Variants in CCDC7 observed in about 807,000 individuals in gnomAD.
The protein encoded by CCDC7 is coiled-coil domain-containing protein 7.
CCDC7 carries 183 observed loss-of-function variants against 196.9 expected under a neutral mutation model. The ratio of observed to expected loss-of-function variants is 0.93; its 90% CI spans 0.82 to 1.05. The LOEUF is 1.05. Among genes scored for constraint, CCDC7 ranks in the 50% least tolerant of loss-of-function variants. The pLI is 0.00. For missense variants in CCDC7, 1,540 were observed against 1,482.2 expected, an observed-to-expected ratio of 1.04 and a Z score of -0.64; for synonymous variants, 525 against 484.6, an observed-to-expected ratio of 1.08 and a Z score of -1.10.
intron 7 of CCDC7, among the ~76,000 whole-genome samples, chr10:32,473,226 G>A (rs554865102): frequency 6.6e-6 from 1 of 152,282 alleles, no homozygotes; most frequent in South Asian, 2.1e-4. Flanking sequence ...GGAGCAATCT[G>A]TTCAACCTAA....
intron 29 of CCDC7, among the ~76,000 whole-genome samples, chr10:32,798,427 G>A (rs888185295): frequency 6.6e-6 from 1 of 152,218 alleles, no homozygotes. Flanking sequence ...GACAGGCGTG[G>A]CTGAGGAAAG....
chr10:32,679,721 G>T (rs924589500), intron 21 of CCDC7, among the ~76,000 whole-genome samples: 1 of 152,134 alleles, frequency 6.6e-6, no homozygotes, highest in African/African-American at 2.4e-5. Flanking sequence ...AGTCCTATTT[G>T]GGGGGTTGCA....
intron 11 of CCDC7, among the ~76,000 whole-genome samples, chr10:32,542,633 C>CAAAAAAAAA (rs11375465): frequency 1.1e-5 from 1 of 87,946 alleles, no homozygotes; most frequent in Non-Finnish European, 2.0e-5. Flanking sequence ...ACTCCCATCT[C>CAAAAAAAAA]AAAAAAAAAA....
chr10:32,784,718 C>G (rs1406620403), intron 29 of CCDC7, among the ~76,000 whole-genome samples: 1 of 151,940 alleles, frequency 6.6e-6, no homozygotes, highest in African/African-American at 2.4e-5. Flanking sequence ...ACTACAGACA[C>G]GTGCTGGGCG....
chr10:32,800,727 C>A (rs1314776913), intron 29 of CCDC7, among the ~76,000 whole-genome samples: 2 of 152,098 alleles, frequency 1.3e-5, no homozygotes, highest in Non-Finnish European at 2.9e-5. Flanking sequence ...CAAGGGGATC[C>A]AGCCTTTCCT....
chr10:32,798,637 C>T (rs1385435023), intron 29 of CCDC7, among the ~76,000 whole-genome samples: 1 of 152,216 alleles, frequency 6.6e-6, no homozygotes, highest in African/African-American at 2.4e-5. Flanking sequence ...CTTCCAAGAC[C>T]CTGACCATCC....
At chr10:32,881,881 A>G (rs534622093), downstream of CCDC7, among the ~76,000 whole-genome samples, 48 of 152,258 alleles carry the variant, frequency 3.2e-4, no homozygotes, top group African/African-American at 1.0e-3. Flanking sequence ...AGTTAAGTCT[A>G]TCAGTTCAGA....
chr10:32,701,667 G>C (rs1187412104), intron 24 of CCDC7, among the ~76,000 whole-genome samples: 1 of 152,074 alleles, frequency 6.6e-6, no homozygotes, highest in Non-Finnish European at 1.5e-5. Context: ...TAGGTTGGTA[G>C]GCTACTAATT....
chr10:32,523,296 A>G (rs1330400462), intron 11 of CCDC7, among the ~76,000 whole-genome samples: 3 of 152,158 alleles, frequency 2.0e-5, no homozygotes, highest in Non-Finnish European at 2.9e-5. Flanking sequence ...CTGTAATCCT[A>G]GCACTTTGGG....
At chr10:32,865,467 A>G (rs918871754) in intron 41 of CCDC7, among the ~76,000 whole-genome samples, 2 of 151,570 alleles carry the variant, frequency 1.3e-5, no homozygotes, top group African/African-American at 2.4e-5. Flanking sequence ...ACAATACCAA[A>G]TGTTGATGAG....
upstream of CCDC7, among the ~76,000 whole-genome samples, chr10:32,449,010 A>G (rs2032230672): frequency 1.3e-5 from 2 of 151,424 alleles, no homozygotes; most frequent in South Asian, 2.1e-4. Flanking sequence ...TTTTGTGATT[A>G]CTCGTGTTGT....
intron 18 of CCDC7, among the ~76,000 whole-genome samples, chr10:32,586,450 A>G (rs1290010087): frequency 6.6e-6 from 1 of 152,204 alleles, no homozygotes; most frequent in Non-Finnish European, 1.5e-5. Context: ...GACTTTGGCC[A>G]TGCCTATGTC....
chr10:32,726,924 C>A, intron 26 of CCDC7, 92 bp downstream of exon 27: 1 of 795,916 alleles, frequency 1.3e-6, no homozygotes, highest in Non-Finnish European at 1.9e-6. Context: ...TGTATTTTAG[C>A]ATGTATTTTA....
At chr10:32,861,115 C>CAAAAAAAAAAAAAAAAAAAAA (rs142801821) in intron 41 of CCDC7, among the ~76,000 whole-genome samples, 1 of 97,130 alleles carries the variant, frequency 1.0e-5, no homozygotes, top group African/African-American at 4.0e-5. Flanking sequence ...CAATCATAAG[C>CAAAAAAAAAAAAAAAAAAAAA]AAAAAAAAAA....
chr10:32,703,963 T>C (rs1486353426), intron 24 of CCDC7, among the ~76,000 whole-genome samples: 1 of 152,114 alleles, frequency 6.6e-6, no homozygotes. Flanking sequence ...GGTTAGAACT[T>C]CCTCCTTTAG....
intron 20 of CCDC7, among the ~76,000 whole-genome samples, chr10:32,655,756 A>C (rs2069704606): frequency 6.6e-6 from 1 of 152,172 alleles, no homozygotes; most frequent in Non-Finnish European, 1.5e-5. Flanking sequence ...TATGTTGGCC[A>C]GGCTGGTCTC....
At chr10:32,456,328 A>G (rs370129971) in exon 3 of CCDC7, 9 of 1,571,256 alleles carry the variant, frequency 5.7e-6, no homozygotes, top group Non-Finnish European at 7.8e-6. Context: ...TTAAAGAAGA[A>G]CAAAATGTAT....
rs551572581 is a variant in CCDC7, at chr10:32,533,031, C to G, written c.994-10269C>G. Among the ~76,000 whole-genome samples, 45 of 151,936 alleles carry G rather than the reference C, an allele frequency of 3.0e-4. No individual in the cohort carries two copies. The South Asian group carries it at 6.0e-3, about 20-fold the overall frequency. On this transcript the variant is annotated intron_variant, in intron 11 of 41. Transcript: ENST00000639629. ...TGTTTTCTGATTGTTTTGAGTCCTT[C>G]TTTTCTTTATTTCTTACTGTTTTCC...
At chr10:32,527,948 G>T (rs2048927758) in intron 11 of CCDC7, among the ~76,000 whole-genome samples, 2 of 152,048 alleles carry the variant, frequency 1.3e-5, no homozygotes, top group Non-Finnish European at 2.9e-5. Context: ...TAGTGGTGAA[G>T]TCAGGACTTT....
Sources: allele counts gnomAD v4.1 joint callset (sites outside exome capture counted in the v4.1 genomes callset), GRCh38; gene constraint gnomAD v4.1.1; transcripts MANE v1.5; gene names NCBI Gene and HGNC (gene_info 2026-07-23, HGNC 2026-07-21).